The following SLC39A11 variants were observed in gnomAD, a reference collection of about 807,000 sequenced individuals.
SLC39A11 encodes solute carrier family 39 member 11, also known as zinc transporter ZIP11.
Under a neutral mutation model 36.1 loss-of-function variants are expected in SLC39A11, and 33 were observed. The observed-to-expected ratio is 0.91, with a 90% CI of 0.69 to 1.22. The LOEUF is 1.22. SLC39A11 is among the 50% of genes most tolerant of loss of function. The pLI, the probability that SLC39A11 is intolerant of heterozygous loss-of-function variation, is 0.00. For synonymous variants in SLC39A11, 166 were observed against 170.3 expected (o/e 0.97, Z 0.20); for missense variants, 432 against 430.3 (o/e 1.00, Z -0.03).
intron 4 of SLC39A11, among the ~76,000 whole-genome samples, chr17:73,005,507 G>C (rs558725614): frequency 6.6e-6 from 1 of 152,122 alleles, no homozygotes; most frequent in African/African-American, 2.4e-5. Flanking sequence ...GTGTCTCTGC[G>C]GTGCAGGGTG....
chr17:72,821,272 G>A (rs1158229049), intron 6 of SLC39A11, among the ~76,000 whole-genome samples: 8 of 150,598 alleles, frequency 5.3e-5, no homozygotes, highest in African/African-American at 1.9e-4. Context: ...GGAGGCTGAG[G>A]AGGGTGGATC....
intron 5 of SLC39A11, among the ~76,000 whole-genome samples, chr17:72,902,235 C>G (rs1439206117): frequency 6.6e-6 from 1 of 151,380 alleles, no homozygotes; most frequent in Non-Finnish European, 1.5e-5. Context: ...CATGCCATTG[C>G]ACTCCAGCCT....
At chr17:73,020,095 A>C (rs957011549) in intron 4 of SLC39A11, among the ~76,000 whole-genome samples, 12 of 152,178 alleles carry the variant, frequency 7.9e-5, no homozygotes, top group African/African-American at 2.7e-4. Flanking sequence ...TGTTTGGAAA[A>C]TTTTCACCAT....
At chr17:72,988,210 T>TG (rs1030603750) in intron 4 of SLC39A11, among the ~76,000 whole-genome samples, 1 of 152,214 alleles carries the variant, frequency 6.6e-6, no homozygotes, top group African/African-American at 2.4e-5. Flanking sequence ...CCCAACACTT[T>TG]GGGGGGCCAA....
At chr17:72,753,027 T>C (rs1221147663) in intron 6 of SLC39A11, among the ~76,000 whole-genome samples, 1 of 152,108 alleles carries the variant, frequency 6.6e-6, no homozygotes, top group Non-Finnish European at 1.5e-5. Flanking sequence ...AGCTAATTTA[T>C]TTTTAGTTTT....
At chr17:72,957,689 C>T (rs1342948191) in intron 4 of SLC39A11, among the ~76,000 whole-genome samples, 1 of 152,062 alleles carries the variant, frequency 6.6e-6, no homozygotes, top group Non-Finnish European at 1.5e-5. Context: ...CGTGGTAGTG[C>T]ACACTTGTAG....
At chr17:72,722,749 C>G (rs2073748903) in intron 7 of SLC39A11, among the ~76,000 whole-genome samples, 1 of 152,132 alleles carries the variant, frequency 6.6e-6, no homozygotes, top group Admixed American at 6.5e-5. Context: ...ATTCTCCTGC[C>G]TCAGCCTCCC....
At chr17:73,004,855 G>A (rs781707101) in intron 4 of SLC39A11, among the ~76,000 whole-genome samples, 1 of 151,742 alleles carries the variant, frequency 6.6e-6, no homozygotes, top group Non-Finnish European at 1.5e-5. Flanking sequence ...AAGGAAAGGG[G>A]CCATCGGCTC....
At chr17:72,849,451 T>C (rs2079195558) in intron 6 of SLC39A11, 183 bp downstream of exon 6, 1 of 465,594 alleles carries the variant, frequency 2.1e-6, no homozygotes, top group Admixed American at 4.2e-5. Flanking sequence ...AGTTTTCACA[T>C]ATGATGATCT....
At chr17:72,787,970 C>T (rs1292148762) in intron 6 of SLC39A11, among the ~76,000 whole-genome samples, 2 of 152,142 alleles carry the variant, frequency 1.3e-5, no homozygotes, top group Non-Finnish European at 2.9e-5. Flanking sequence ...TTTATTTGTA[C>T]AATTCTTTCA....
At chr17:72,919,985 T>A (rs9905456) in intron 5 of SLC39A11, among the ~76,000 whole-genome samples, 1 of 152,018 alleles carries the variant, frequency 6.6e-6, no homozygotes, top group South Asian at 2.1e-4. Context: ...ATCAATGGAC[T>A]GCCAGCTAGA....
rs1323653931 is a variant in SLC39A11 at position 72,824,849 on chromosome 17, G to C, written c.601+24785C>G. Among the ~76,000 whole-genome samples the C allele has an allele frequency of 1.3e-5, 2 of 151,272 alleles. 1 individual carries two copies. Among genetic ancestry groups the C allele is most frequent in the Non-Finnish European group, 3.0e-5 (2 of 67,516 alleles). On this transcript the variant is annotated intron_variant, in intron 6 of 9. Coordinates refer to ENST00000255559, the MANE Select transcript of SLC39A11 (RefSeq NM_139177.4). ...TAAGCAGCAAGGCATTAAAGATGTG[G>C]CCTGGCTGCTTCCAACAGCATATGG...
chr17:72,654,279 C>T (rs963496748), intron 7 of SLC39A11, among the ~76,000 whole-genome samples: 1 of 152,176 alleles, frequency 6.6e-6, no homozygotes, highest in African/African-American at 2.4e-5. Context: ...AATGGCCTCA[C>T]TTCTTCCCTC....
chr17:72,970,740 A>T (rs1339212761), intron 4 of SLC39A11, among the ~76,000 whole-genome samples: 1 of 152,234 alleles, frequency 6.6e-6, no homozygotes, highest in Non-Finnish European at 1.5e-5. Flanking sequence ...TCAAAGGGCC[A>T]GTGGATCCTG....
chr17:72,883,085 C>T (rs778484228), intron 5 of SLC39A11, among the ~76,000 whole-genome samples: 12 of 152,108 alleles, frequency 7.9e-5, no homozygotes, highest in African/African-American at 1.9e-4. Context: ...GCTGAGCCAC[C>T]GTGCCAGGCC....
chr17:72,652,009 A>G (rs1434843333), intron 7 of SLC39A11, among the ~76,000 whole-genome samples: 1 of 152,234 alleles, frequency 6.6e-6, no homozygotes, highest in Non-Finnish European at 1.5e-5. Flanking sequence ...AGGGGGCAGC[A>G]AACTTTTTCT....
At chr17:72,667,135 G>T (rs2070790682) in intron 7 of SLC39A11, among the ~76,000 whole-genome samples, 3 of 152,150 alleles carry the variant, frequency 2.0e-5, no homozygotes, top group Non-Finnish European at 2.9e-5. Flanking sequence ...GAGACCTTGG[G>T]GTTAGGGTCA....
chr17:72,807,485 C>T (rs1023714599), intron 6 of SLC39A11, among the ~76,000 whole-genome samples: 5 of 152,124 alleles, frequency 3.3e-5, no homozygotes, highest in African/African-American at 9.7e-5. Context: ...TAGATAGTCT[C>T]AGGGTGGGCT....
chr17:73,007,969 G>A (rs977111516), intron 4 of SLC39A11, among the ~76,000 whole-genome samples: 7 of 152,176 alleles, frequency 4.6e-5, no homozygotes, highest in African/African-American at 1.7e-4. Flanking sequence ...GGGGTGTGGT[G>A]GCGTGAGCCT....
Sources: allele counts gnomAD v4.1 joint callset (sites outside exome capture counted in the v4.1 genomes callset), GRCh38; gene constraint gnomAD v4.1.1; transcripts MANE v1.5; gene names NCBI Gene and HGNC (gene_info 2026-07-23, HGNC 2026-07-21).